Variants in SPOCK1 observed in about 807,000 individuals in gnomAD.
The protein encoded by SPOCK1 is SPARC (osteonectin), cwcv and kazal like domains proteoglycan 1.
Under a neutral mutation model 55.3 loss-of-function variants are expected in SPOCK1, and 23 were observed. The observed-to-expected ratio is 0.42, with a 90% CI of 0.30 to 0.59. The LOEUF is 0.59. Among genes scored for constraint, SPOCK1 ranks in the 20% least tolerant of loss-of-function variants. The pLI is 0.22. For missense variants in SPOCK1, 499 were observed against 552.5 expected (o/e 0.90, Z 0.97); for synonymous variants, 226 against 221.0 (o/e 1.02, Z -0.20).
intron 3 of SPOCK1, among the ~76,000 whole-genome samples, chr5:137,200,522 A>G (rs1034220271): frequency 6.6e-6 from 1 of 152,214 alleles, no homozygotes; most frequent in African/African-American, 2.4e-5. Context: ...AAAGGCAGGC[A>G]TTCCTGTCGG....
At chr5:137,124,251 G>A (rs1753738634) in intron 4 of SPOCK1, among the ~76,000 whole-genome samples, 1 of 152,298 alleles carries the variant, frequency 6.6e-6, no homozygotes, top group South Asian at 2.1e-4. Flanking sequence ...CTCCCACATG[G>A]CAGAGAGCAG....
At position 137,112,647 on chromosome 5, in the gene SPOCK1, A is replaced by C. The variant is rs1422432663; in HGVS notation, c.348-86T>G. 6.9e-6 allele frequency: 7 copies of C among 1,011,726 alleles called. No individual in the cohort carries two copies. The East Asian group carries it at 4.6e-4, about 67-fold the overall frequency. 62.7% of individuals were successfully genotyped at this position (1,011,726 alleles called of 1,614,324 possible). A position where few individuals can be genotyped will look rare whatever the true frequency, so the allele number is the denominator to read the frequency against. On this transcript the variant is annotated intron_variant, in intron 4 of 10. Transcript: ENST00000394945. ...CTAAGTTCCCAGAATAAAAGGCCAAATAAATAAAGGACTATCCAACCAGGC... is the reference window on the plus strand; with the variant it reads ...CTAAGTTCCCAGAATAAAAGGCCAACTAAATAAAGGACTATCCAACCAGGC...
At chr5:137,496,316 A>C (rs986502920) in intron 2 of SPOCK1, among the ~76,000 whole-genome samples, 7 of 152,246 alleles carry the variant, frequency 4.6e-5, no homozygotes, top group African/African-American at 1.7e-4. Context: ...ACCACCATCC[A>C]TAATAAAGAT....
intron 3 of SPOCK1, among the ~76,000 whole-genome samples, chr5:137,237,833 G>T (rs1284932815): frequency 6.6e-6 from 1 of 152,216 alleles, no homozygotes; most frequent in Non-Finnish European, 1.5e-5. Flanking sequence ...TATGGTTGGA[G>T]TGTGGGACTC....
At chr5:137,374,810 A>T (rs1751276961) in intron 2 of SPOCK1, among the ~76,000 whole-genome samples, 1 of 152,000 alleles carries the variant, frequency 6.6e-6, no homozygotes. Context: ...TCTCCATCTC[A>T]CAGATAAGGA....
chr5:137,414,046 C>T (rs76676043), intron 2 of SPOCK1, among the ~76,000 whole-genome samples: 1,622 of 152,238 alleles, frequency 0.011, 22 homozygotes, highest in African/African-American at 0.035. Context: ...ATAGACAAAC[C>T]GTGATTGGTA....
At chr5:137,300,071 T>C (rs1320444065) in intron 2 of SPOCK1, among the ~76,000 whole-genome samples, 2 of 152,204 alleles carry the variant, frequency 1.3e-5, no homozygotes, top group Non-Finnish European at 2.9e-5. Context: ...AGGACCCTGA[T>C]ACTCTGTTGA....
intron 6 of SPOCK1, among the ~76,000 whole-genome samples, chr5:137,060,123 G>T (rs978214665): frequency 6.6e-6 from 1 of 152,126 alleles, no homozygotes; most frequent in Admixed American, 6.5e-5. Flanking sequence ...AATATAAATT[G>T]TTCTACCATA....
intron 4 of SPOCK1, among the ~76,000 whole-genome samples, chr5:137,128,905 C>G (rs1753825207): frequency 6.6e-6 from 1 of 152,204 alleles, no homozygotes; most frequent in South Asian, 2.1e-4. Flanking sequence ...TTAACCTCCT[C>G]TACTAGTCTA....
At chr5:137,337,397 T>C (rs887826582) in intron 2 of SPOCK1, among the ~76,000 whole-genome samples, 12 of 152,186 alleles carry the variant, frequency 7.9e-5, no homozygotes, top group African/African-American at 2.4e-4. Context: ...CTTAAACACA[T>C]ACTTCCTATG....
intron 2 of SPOCK1, among the ~76,000 whole-genome samples, chr5:137,402,694 C>A (rs76719723): frequency 0.042 from 6,414 of 152,180 alleles, 198 homozygotes; most frequent in African/African-American, 0.087. Context: ...TTTGAAATCA[C>A]GTCATATTTC....
chr5:137,405,489 C>A (rs925525602), intron 2 of SPOCK1, among the ~76,000 whole-genome samples: 2 of 152,068 alleles, frequency 1.3e-5, no homozygotes, highest in African/African-American at 4.8e-5. Context: ...CTGCGGGTAG[C>A]CCAGGGCTGA....
chr5:137,269,466 C>T (rs2916639), intron 2 of SPOCK1, among the ~76,000 whole-genome samples: 130,452 of 152,180 alleles, frequency 0.86, 56,223 homozygotes, highest in African/African-American at 0.94. Context: ...TGAAGGACTC[C>T]AGGCACCAGA....
At chr5:137,155,915 T>C (rs889635083) in intron 3 of SPOCK1, among the ~76,000 whole-genome samples, 1 of 152,240 alleles carries the variant, frequency 6.6e-6, no homozygotes, top group Non-Finnish European at 1.5e-5. Context: ...AAAGTTTCTC[T>C]CATTGGAAGC....
In SPOCK1 at chr5:137,151,159, T is replaced by TTC. The variant is rs560355988; in HGVS notation, c.233-10466_233-10465insGA. Among the ~76,000 whole-genome samples the TTC allele has an allele frequency of 4.6e-5, 7 of 151,282 alleles. No homozygotes were observed. In the South Asian group the frequency reaches 1.5e-3, roughly 32 times the overall value. On this transcript the variant is annotated intron_variant, in intron 3 of 10. Coordinates refer to ENST00000394945, the MANE Select transcript of SPOCK1 (RefSeq NM_004598.4). ...AAATTTATATTTTGTATTTTGTAAT[T>TTC]TTTTTTTTGTTGCTGTAGAGACAGG...
intron 4 of SPOCK1, among the ~76,000 whole-genome samples, chr5:137,134,432 G>T (rs1017048819): frequency 6.6e-6 from 1 of 152,172 alleles, no homozygotes; most frequent in Non-Finnish European, 1.5e-5. Context: ...CACAATCAGT[G>T]TAGGAATATA....
intron 3 of SPOCK1, among the ~76,000 whole-genome samples, chr5:137,258,362 G>T (rs764425281): frequency 6.6e-6 from 1 of 152,192 alleles, no homozygotes; most frequent in Admixed American, 6.5e-5. Flanking sequence ...GCAGTTAATT[G>T]CTACACAGTA....
intron 3 of SPOCK1, among the ~76,000 whole-genome samples, chr5:137,171,148 C>T (rs189407908): frequency 1.1e-4 from 17 of 152,258 alleles, no homozygotes; most frequent in Middle Eastern, 3.4e-3. Flanking sequence ...TCAATGCACC[C>T]GAGACTACAT....
At chr5:137,424,216 A>T (rs1752559998) in intron 2 of SPOCK1, among the ~76,000 whole-genome samples, 1 of 148,728 alleles carries the variant, frequency 6.7e-6, no homozygotes, top group Admixed American at 6.6e-5. Flanking sequence ...GCCTATCTCT[A>T]AAAAAAACTT....
Sources: allele counts gnomAD v4.1 joint callset (sites outside exome capture counted in the v4.1 genomes callset), GRCh38; gene constraint gnomAD v4.1.1; transcripts MANE v1.5; gene names NCBI Gene and HGNC (gene_info 2026-07-23, HGNC 2026-07-21).